STPG2: variants seen among roughly 807,000 people sequenced by gnomAD.
STPG2 encodes sperm tail PG-rich repeat containing 2, also known as sperm-tail PG-rich repeat-containing protein 2.
STPG2 carries 56 observed loss-of-function variants against 54.2 expected under a neutral mutation model. The observed-to-expected ratio is 1.03, with a 90% CI of 0.83 to 1.29. STPG2 has a LOEUF of 1.29. Ranked by LOEUF, STPG2 falls within the 50% of genes most tolerant of loss-of-function variation. The pLI, the probability that STPG2 is intolerant of heterozygous loss-of-function variation, is 0.00. For missense variants in STPG2, 596 were observed against 544.9 expected, an observed-to-expected ratio of 1.09 and a Z score of -0.93; for synonymous variants, 200 against 181.8, an observed-to-expected ratio of 1.10 and a Z score of -0.81.
intron 4 of STPG2, among the ~76,000 whole-genome samples, chr4:97,459,437 TTTG>T (rs1157827660): frequency 4.8e-5 from 7 of 147,040 alleles, no homozygotes; most frequent in South Asian, 4.3e-4. Flanking sequence ...CCTGTTTTTT[TTTG>T]TTTTTTTTTT....
At chr4:97,650,040 G>A (rs1274905876) in intron 10 of STPG2, among the ~76,000 whole-genome samples, 2 of 152,040 alleles carry the variant, frequency 1.3e-5, no homozygotes, top group South Asian at 2.1e-4. Flanking sequence ...TTCTCATAAG[G>A]AGCACGCAAC....
At chr4:97,788,754 G>A (rs1325466921) in intron 9 of STPG2, among the ~76,000 whole-genome samples, 1 of 151,816 alleles carries the variant, frequency 6.6e-6, no homozygotes, top group African/African-American at 2.4e-5. Context: ...TTTAATGTGT[G>A]CAGAACATAT....
At chr4:97,799,719 A>T (rs1727319514) in intron 9 of STPG2, among the ~76,000 whole-genome samples, 1 of 152,066 alleles carries the variant, frequency 6.6e-6, no homozygotes, top group South Asian at 2.1e-4. Context: ...CCTGAATTTG[A>T]ATGTTGGCCT....
chr4:97,709,772 A>G (rs1259750493), intron 10 of STPG2, among the ~76,000 whole-genome samples: 1 of 151,858 alleles, frequency 6.6e-6, no homozygotes. Flanking sequence ...TTTGGTCAAG[A>G]GACTGATTCA....
chr4:97,734,494 C>G lies in STPG2; in HGVS notation c.1205-21680G>C, dbSNP rs561945266. Among the ~76,000 whole-genome samples, 6 of 152,228 alleles carry G rather than the reference C, an allele frequency of 3.9e-5. No individual in the cohort carries two copies. In the East Asian group the frequency reaches 9.7e-4, roughly 25 times the overall value. On this transcript the variant is annotated intron_variant, in intron 9 of 10. Coordinates refer to ENST00000295268, the MANE Select transcript of STPG2 (RefSeq NM_174952.3). ...TCCATGTGTTCTCATCATTTAGCTC[C>G]CACTTATTAAGTGAGAACATACTTT...
intron 9 of STPG2, among the ~76,000 whole-genome samples, chr4:97,805,946 A>C (rs1402786289): frequency 6.6e-6 from 1 of 152,142 alleles, no homozygotes; most frequent in Non-Finnish European, 1.5e-5. Flanking sequence ...CAGTTTGGAG[A>C]TTTCTCAAAG....
chr4:97,441,784 T>TA (rs1283225853), intron 4 of STPG2, among the ~76,000 whole-genome samples: 6 of 152,036 alleles, frequency 3.9e-5, no homozygotes, highest in Admixed American at 3.3e-4. Flanking sequence ...TTTGAGTACT[T>TA]AAAGGCATAT....
intron 10 of STPG2, among the ~76,000 whole-genome samples, chr4:97,621,263 C>A (rs1734002974): frequency 6.6e-6 from 1 of 152,046 alleles, no homozygotes; most frequent in Non-Finnish European, 1.5e-5. Flanking sequence ...AACCCCAAAA[C>A]TAGCAGAGGA....
At chr4:97,853,679 TA>T (rs1293760356) in intron 8 of STPG2, among the ~76,000 whole-genome samples, 2 of 152,306 alleles carry the variant, frequency 1.3e-5, no homozygotes, top group African/African-American at 4.8e-5. Flanking sequence ...AGAGATCATC[TA>T]AAAAAATTGT....
At position 97,952,812 on chromosome 4, in the gene STPG2, A is replaced by G. The variant is rs138645555; in HGVS notation, c.934-8805T>C. Among the ~76,000 whole-genome samples, 651 of 152,318 alleles carry G rather than the reference A, an allele frequency of 4.3e-3. 2 individuals are homozygous for G. The highest frequency in any genetic ancestry group is 0.014 in the Middle Eastern group (4 of 294). Reference sequence around the variant, plus strand: ...AGGACCTCTGGTTAGCCAGGTTGGTAGCCAGAATGATACAGACAATAGTGA... The same window carrying G: ...AGGACCTCTGGTTAGCCAGGTTGGTGGCCAGAATGATACAGACAATAGTGA... On this transcript the variant is annotated intron_variant, in intron 7 of 10. Transcript: ENST00000295268.
chr4:98,123,908 T>G (rs1377485105), intron 3 of STPG2, among the ~76,000 whole-genome samples: 2 of 152,236 alleles, frequency 1.3e-5, no homozygotes, highest in African/African-American at 4.8e-5. Context: ...TAGCTCTTCT[T>G]GTTGACTTGA....
intron 9 of STPG2, among the ~76,000 whole-genome samples, chr4:97,780,139 C>T (rs1257291253): frequency 2.7e-5 from 3 of 110,816 alleles, no homozygotes; most frequent in African/African-American, 1.1e-4. Flanking sequence ...GACTGACAAA[C>T]TGGATAAAGA....
rs1321442901 is a variant in STPG2 at position 97,469,790 on chromosome 4, T to C, written c.462+242909A>G. On this transcript the variant is annotated intron_variant, in intron 4 of 4. Transcript: ENST00000522676. The stretch of plus-strand genomic sequence containing the variant: ...AGACACAGACACAGAAACTAAAACA[T>C]AGAGGCAGAAATCTCCATGTCAAGA... Among the ~76,000 whole-genome samples the C allele has an allele frequency of 2.6e-5, 4 of 151,598 alleles. No individual in the cohort carries two copies. In the East Asian group the frequency reaches 7.8e-4, roughly 29 times the overall value.
At chr4:98,054,796 G>A (rs1485284993) in intron 5 of STPG2, among the ~76,000 whole-genome samples, 3 of 152,066 alleles carry the variant, frequency 2.0e-5, no homozygotes, top group Non-Finnish European at 4.4e-5. Flanking sequence ...TAAGTTATAA[G>A]TTCAGCCATA....
At chr4:98,066,582 C>T (rs1161386081) in intron 5 of STPG2, among the ~76,000 whole-genome samples, 1 of 137,044 alleles carries the variant, frequency 7.3e-6, no homozygotes, top group Admixed American at 7.1e-5. Context: ...GACAGAGACT[C>T]CATCTTTAAA....
intron 5 of STPG2, among the ~76,000 whole-genome samples, chr4:97,998,396 T>C (rs1735309980): frequency 6.6e-6 from 1 of 152,110 alleles, no homozygotes; most frequent in Non-Finnish European, 1.5e-5. Flanking sequence ...CATGTAAATA[T>C]CTTGGATATT....
At chr4:97,858,063 C>G (rs557928455) in intron 8 of STPG2, among the ~76,000 whole-genome samples, 3 of 151,876 alleles carry the variant, frequency 2.0e-5, no homozygotes, top group African/African-American at 7.3e-5. Flanking sequence ...TAGTCTCAAA[C>G]GGGCAAATCT....
chr4:97,956,242 T>C (rs1017741999), intron 7 of STPG2, among the ~76,000 whole-genome samples: 3 of 152,156 alleles, frequency 2.0e-5, no homozygotes, highest in Non-Finnish European at 2.9e-5. Context: ...AATACATGAA[T>C]GCTTATTGTA....
At chr4:97,585,564 C>A (rs953848264) in intron 10 of STPG2, among the ~76,000 whole-genome samples, 2 of 151,940 alleles carry the variant, frequency 1.3e-5, no homozygotes, top group African/African-American at 4.8e-5. Context: ...ACAGCAAGAA[C>A]CCAGACTGGA....
Sources: allele counts gnomAD v4.1 joint callset (sites outside exome capture counted in the v4.1 genomes callset), GRCh38; gene constraint gnomAD v4.1.1; transcripts MANE v1.5; gene names NCBI Gene and HGNC (gene_info 2026-07-23, HGNC 2026-07-21).